Variants in AGBL4 observed in about 807,000 individuals in gnomAD.
The protein encoded by AGBL4 is cytosolic carboxypeptidase 6.
In AGBL4, 58 loss-of-function variants were observed where a neutral mutation model predicts 66.4. The observed-to-expected ratio is 0.87, with a 90% CI of 0.71 to 1.09. The LOEUF (loss-of-function observed/expected upper bound fraction) is 1.09. Ranked by LOEUF, AGBL4 falls within the 50% of genes least tolerant of loss-of-function variation. The pLI is 0.00. For synonymous variants in AGBL4, 234 were observed against 222.9 expected, an observed-to-expected ratio of 1.05 and a Z score of -0.44; for missense variants, 579 against 631.0, an observed-to-expected ratio of 0.92 and a Z score of 0.88.
At chr1:48,771,340 G>A (rs1043756537) in intron 6 of AGBL4, among the ~76,000 whole-genome samples, 2 of 152,174 alleles carry the variant, frequency 1.3e-5, no homozygotes, top group African/African-American at 4.8e-5. Context: ...TTCTGGATGT[G>A]CTTTTAAAAA....
chr1:48,603,977 AAC>A (rs1336632366), intron 9 of AGBL4, among the ~76,000 whole-genome samples: 6 of 151,942 alleles, frequency 3.9e-5, no homozygotes, highest in Admixed American at 6.6e-5. Context: ...CAACAACAAA[AAC>A]CAAAAATTAG....
At chr1:49,850,003 A>G (rs892422195) in intron 2 of AGBL4, among the ~76,000 whole-genome samples, 3 of 152,230 alleles carry the variant, frequency 2.0e-5, no homozygotes, top group African/African-American at 7.2e-5. Context: ...AGATTTATAG[A>G]AAATAAAAAG....
At position 49,278,531 on chromosome 1, in the gene AGBL4, G is replaced by A. The variant is rs150454306; in HGVS notation, c.283-32667C>T. ...GTCATCAGGTACTGTCAGACCAGAT[G>A]CTTGAAGCTATCTGCCTGCAGGAGG... On this transcript the variant is annotated intron_variant, in intron 3 of 13. Coordinates refer to ENST00000371839, the MANE Select transcript of AGBL4 (RefSeq NM_032785.4). Among the ~76,000 whole-genome samples, 371 of 152,252 alleles carry A rather than the reference G, an allele frequency of 2.4e-3. 3 individuals are homozygous for A. The highest frequency in any genetic ancestry group is 8.6e-3 in the African/African-American group (356 of 41,552).
intron 3 of AGBL4, among the ~76,000 whole-genome samples, chr1:49,657,424 C>T (rs540408864): frequency 3.3e-5 from 5 of 152,256 alleles, no homozygotes; most frequent in South Asian, 4.1e-4. Flanking sequence ...TGAAAATGGC[C>T]ATACTGCCCA....
chr1:48,780,221 T>C (rs1349003911), intron 6 of AGBL4, among the ~76,000 whole-genome samples: 1 of 125,070 alleles, frequency 8.0e-6, no homozygotes, highest in Non-Finnish European at 1.6e-5. Flanking sequence ...GTATGTGATG[T>C]TCCCCTCCCC....
At chr1:49,069,557 T>C (rs1305161485) in intron 4 of AGBL4, among the ~76,000 whole-genome samples, 1 of 151,962 alleles carries the variant, frequency 6.6e-6, no homozygotes, top group African/African-American at 2.4e-5. Flanking sequence ...TGGTGTTTTT[T>C]TCTGAGGGCC....
intron 2 of AGBL4, among the ~76,000 whole-genome samples, chr1:49,790,739 C>T (rs1644578822): frequency 6.6e-6 from 1 of 152,072 alleles, no homozygotes; most frequent in South Asian, 2.1e-4. Flanking sequence ...CCAGAAGATG[C>T]ATATCTGCAC....
chr1:48,993,896 T>C (rs1415818108), intron 5 of AGBL4, among the ~76,000 whole-genome samples: 2 of 152,198 alleles, frequency 1.3e-5, no homozygotes, highest in South Asian at 2.1e-4. Flanking sequence ...TTCAAGATGG[T>C]ATTTCCTATT....
At chr1:49,134,904 C>T (rs534508059) in intron 4 of AGBL4, among the ~76,000 whole-genome samples, 5 of 152,174 alleles carry the variant, frequency 3.3e-5, no homozygotes, top group East Asian at 1.9e-4. Context: ...TCTTCTGTCA[C>T]GGCTTCAGCA....
At chr1:49,187,190 C>A (rs1336445846) in intron 4 of AGBL4, 1 of 152,164 alleles carries the variant, frequency 6.6e-6, no homozygotes, top group Non-Finnish European at 1.5e-5. Context: ...CCAGCTGTCT[C>A]TTTTCTCCAA....
intron 5 of AGBL4, among the ~76,000 whole-genome samples, chr1:48,954,268 C>T (rs1203414350): frequency 2.0e-5 from 3 of 152,186 alleles, no homozygotes; most frequent in African/African-American, 7.2e-5. Flanking sequence ...AGATAAGACT[C>T]TCCCAGAAAT....
At chr1:49,902,185 A>G (rs1649825700) in intron 1 of AGBL4, among the ~76,000 whole-genome samples, 2 of 152,196 alleles carry the variant, frequency 1.3e-5, no homozygotes, top group Non-Finnish European at 1.5e-5. Flanking sequence ...AAAATTAACA[A>G]GTGGTGCCTA....
At chr1:48,811,571 C>G (rs1160949398) in intron 6 of AGBL4, among the ~76,000 whole-genome samples, 1 of 152,154 alleles carries the variant, frequency 6.6e-6, no homozygotes, top group Non-Finnish European at 1.5e-5. Flanking sequence ...TGGATTGGTA[C>G]ATCCTGCTCT....
At chr1:49,611,841 C>T (rs1037346744) in intron 3 of AGBL4, among the ~76,000 whole-genome samples, 8 of 152,078 alleles carry the variant, frequency 5.3e-5, no homozygotes, top group African/African-American at 1.9e-4. Context: ...TAGAATTTGA[C>T]CTTGTTATTG....
intron 3 of AGBL4, among the ~76,000 whole-genome samples, chr1:49,629,897 C>CT (rs1645538144): frequency 1.3e-5 from 2 of 152,106 alleles, no homozygotes; most frequent in South Asian, 4.1e-4. Flanking sequence ...GGGAAATCAA[C>CT]CATTCTCCAT....
intron 9 of AGBL4, among the ~76,000 whole-genome samples, chr1:48,629,731 C>T (rs1645563623): frequency 6.6e-6 from 1 of 152,064 alleles, no homozygotes; most frequent in Non-Finnish European, 1.5e-5. Flanking sequence ...TGGGTGATGC[C>T]ATCTCAGGTT....
intron 3 of AGBL4, among the ~76,000 whole-genome samples, chr1:49,601,969 T>C (rs1314438781): frequency 6.6e-6 from 1 of 152,134 alleles, no homozygotes; most frequent in Non-Finnish European, 1.5e-5. Flanking sequence ...AAAGGGCTAA[T>C]ATCCAGAATC....
chr1:49,983,017 A>G (rs543241309), intron 1 of AGBL4, among the ~76,000 whole-genome samples: 2 of 152,308 alleles, frequency 1.3e-5, no homozygotes, highest in Admixed American at 6.5e-5. Context: ...GAGCTGTTCT[A>G]TCTATCAATA....
At chr1:49,545,447 TC>T (rs1292405989) in intron 3 of AGBL4, among the ~76,000 whole-genome samples, 2 of 152,156 alleles carry the variant, frequency 1.3e-5, no homozygotes, top group African/African-American at 4.8e-5. Context: ...CTATAAGAGA[TC>T]CTGAAGCAGA....
Sources: allele counts gnomAD v4.1 joint callset (sites outside exome capture counted in the v4.1 genomes callset), GRCh38; gene constraint gnomAD v4.1.1; transcripts MANE v1.5; gene names NCBI Gene and HGNC (gene_info 2026-07-23, HGNC 2026-07-21).